KHDRBS2: variants seen among roughly 807,000 people sequenced by gnomAD.
The protein encoded by KHDRBS2 is KH RNA binding domain containing, signal transduction associated 2, also known as KH domain-containing, RNA-binding, signal transduction-associated protein 2.
Under a neutral mutation model 44.3 loss-of-function variants are expected in KHDRBS2, and 26 were observed. The ratio of observed to expected loss-of-function variants is 0.59; its 90% CI spans 0.43 to 0.81. KHDRBS2 has a LOEUF of 0.81. KHDRBS2 is among the 40% of genes least tolerant of loss of function. The pLI, the probability that KHDRBS2 is intolerant of heterozygous loss-of-function variation, is 0.00. For missense variants in KHDRBS2, 476 were observed against 433.1 expected (o/e 1.10, Z -0.88); for synonymous variants, 194 against 151.1 (o/e 1.28, Z -2.08).
At chr6:62,089,449 G>T (rs1225796019) in intron 2 of KHDRBS2, among the ~76,000 whole-genome samples, 1 of 152,064 alleles carries the variant, frequency 6.6e-6, no homozygotes, top group Non-Finnish European at 1.5e-5. Flanking sequence ...CATCCCCCAT[G>T]GCATGATCCA....
intron 2 of KHDRBS2, among the ~76,000 whole-genome samples, chr6:62,122,854 A>G (rs565979435): frequency 7.0e-6 from 1 of 142,988 alleles, no homozygotes; most frequent in African/African-American, 2.7e-5. Context: ...TCTTTTAAAA[A>G]GGTTTTATTT....
At chr6:61,637,844 G>A in the KHDRBS2 span, among the ~76,000 whole-genome samples, 4,250 of 152,182 alleles carry the variant, frequency 0.028, 195 homozygotes, top group African/African-American at 0.097. Context: ...TTTGAGAAGT[G>A]TCTGTTCATG....
chr6:62,138,271 C>G (rs1812004445), intron 2 of KHDRBS2, among the ~76,000 whole-genome samples: 1 of 152,210 alleles, frequency 6.6e-6, no homozygotes, highest in Admixed American at 6.5e-5. Context: ...GTAATTGCCA[C>G]TGTTTTTCAA....
chr6:62,081,802 T>G (rs1372915393), intron 2 of KHDRBS2, among the ~76,000 whole-genome samples: 2 of 152,044 alleles, frequency 1.3e-5, no homozygotes, highest in African/African-American at 4.8e-5. Context: ...ATTGTTAAAA[T>G]TTTTTAGATG....
chr6:61,802,241 C>T (rs1452311678), intron 6 of KHDRBS2, among the ~76,000 whole-genome samples: 2 of 152,128 alleles, frequency 1.3e-5, no homozygotes, highest in Non-Finnish European at 2.9e-5. Context: ...GAAACCCTAA[C>T]AGAAAAATCA....
intron 2 of KHDRBS2, among the ~76,000 whole-genome samples, chr6:62,132,128 G>A (rs1201790495): frequency 6.6e-6 from 1 of 152,092 alleles, no homozygotes; most frequent in Non-Finnish European, 1.5e-5. Context: ...AACCTTGTAA[G>A]GAAGGTAAAA....
the KHDRBS2 span, among the ~76,000 whole-genome samples, chr6:61,644,680 C>A: frequency 6.6e-6 from 1 of 152,162 alleles, no homozygotes; most frequent in South Asian, 2.1e-4. Context: ...AGAAGACATA[C>A]ATGTGGCCAA....
At chr6:62,108,089 C>A (rs1358524360) in intron 2 of KHDRBS2, among the ~76,000 whole-genome samples, 1 of 152,082 alleles carries the variant, frequency 6.6e-6, no homozygotes, top group Non-Finnish European at 1.5e-5. Context: ...GCAAAATGGA[C>A]AAATGGGATC....
At chr6:61,621,579 C>A in the KHDRBS2 span, among the ~76,000 whole-genome samples, 1 of 152,164 alleles carries the variant, frequency 6.6e-6, no homozygotes, top group African/African-American at 2.4e-5. Context: ...AAGGGAAAAT[C>A]TGGCCCACTG....
intron 6 of KHDRBS2, among the ~76,000 whole-genome samples, chr6:61,806,807 A>G (rs1787239597): frequency 6.6e-6 from 1 of 152,006 alleles, no homozygotes; most frequent in African/African-American, 2.4e-5. Flanking sequence ...TTATTTTTCA[A>G]TTTTTAATTT....
chr6:62,007,480 G>T (rs1779472593), intron 3 of KHDRBS2, among the ~76,000 whole-genome samples: 1 of 151,508 alleles, frequency 6.6e-6, no homozygotes, highest in Non-Finnish European at 1.5e-5. Flanking sequence ...TGCCTAATCG[G>T]GTGTATGAAA....
At chr6:62,041,957 T>C (rs1182301344) in intron 3 of KHDRBS2, among the ~76,000 whole-genome samples, 12 of 152,106 alleles carry the variant, frequency 7.9e-5, no homozygotes, top group Non-Finnish European at 1.6e-4. Flanking sequence ...ATGAAGATGC[T>C]AATTTGAGAA....
chr6:62,110,360 C>G (rs1267717124), intron 2 of KHDRBS2, among the ~76,000 whole-genome samples: 1 of 151,992 alleles, frequency 6.6e-6, no homozygotes, highest in Admixed American at 6.6e-5. Context: ...TGTACCCATA[C>G]AAAGACTTCT....
intron 2 of KHDRBS2, among the ~76,000 whole-genome samples, chr6:62,089,895 A>C (rs911980600): frequency 1.3e-5 from 2 of 152,178 alleles, no homozygotes; most frequent in Non-Finnish European, 2.9e-5. Context: ...TCTAAGAAAA[A>C]CTTAGAATAA....
the KHDRBS2 span, among the ~76,000 whole-genome samples, chr6:61,546,956 G>A: frequency 6.6e-6 from 1 of 151,962 alleles, no homozygotes; most frequent in African/African-American, 2.4e-5. Context: ...CCCTATTCAG[G>A]CAACTCAGGG....
rs1412634435 is a variant in KHDRBS2, at chr6:61,958,402, A to T, written c.483+19664T>A. Among the ~76,000 whole-genome samples the T allele has an allele frequency of 3.3e-5, 5 of 152,152 alleles. No individual in the cohort carries two copies. In the East Asian group the frequency reaches 9.7e-4, roughly 29 times the overall value. On this transcript the variant is annotated intron_variant, in intron 4 of 8. Coordinates refer to ENST00000281156, the MANE Select transcript of KHDRBS2 (RefSeq NM_152688.4). ...GGGGATAAAAATGCCCACACCCTTG[A>T]AGAGAAAGCCATTTGGCCACCCTTC...
At chr6:61,570,471 T>C in the KHDRBS2 span, among the ~76,000 whole-genome samples, 1 of 151,842 alleles carries the variant, frequency 6.6e-6, no homozygotes, top group Non-Finnish European at 1.5e-5. Flanking sequence ...AGAAGAGAAA[T>C]CTTAAAGTTT....
At chr6:62,054,865 T>G (rs1182441454) in intron 2 of KHDRBS2, among the ~76,000 whole-genome samples, 1 of 152,046 alleles carries the variant, frequency 6.6e-6, no homozygotes, top group Non-Finnish European at 1.5e-5. Context: ...AGTTTAAGTT[T>G]GTGGTGATTG....
At chr6:61,903,612 G>A (rs1357004536) in intron 4 of KHDRBS2, among the ~76,000 whole-genome samples, 1 of 152,150 alleles carries the variant, frequency 6.6e-6, no homozygotes, top group African/African-American at 2.4e-5. Context: ...AAGCCAATTT[G>A]TTCAGGATTC....
Sources: gnomAD v4.1 joint callset for allele counts (sites outside exome capture counted in the v4.1 genomes callset) on GRCh38, gnomAD v4.1.1 for gene constraint, MANE v1.5 for transcripts, NCBI Gene and HGNC (gene_info 2026-07-23, HGNC 2026-07-21) for gene names.